TMEM41B: variants seen among roughly 807,000 people sequenced by gnomAD.
The protein encoded by TMEM41B is transmembrane protein 41B, also known as protein stasimon.
A neutral mutation model predicts 31.9 loss-of-function variants in TMEM41B; 18 were observed. The ratio of observed to expected loss-of-function variants is 0.56; its 90% CI spans 0.39 to 0.84. TMEM41B has a LOEUF of 0.84. TMEM41B is among the 40% of genes least tolerant of loss of function. The pLI is 0.00. For missense variants in TMEM41B, 322 were observed against 348.0 expected (o/e 0.93, Z 0.59); for synonymous variants, 144 against 124.3 (o/e 1.16, Z -1.05).
chr11:9,288,638 A>G (rs1852888914), intron 3 of TMEM41B, 103 bp from the exon 4 acceptor site: 1 of 783,764 alleles, frequency 1.3e-6, no homozygotes, highest in Non-Finnish European at 2.0e-6. Flanking sequence ...TTATCATACA[A>G]TGAGATTATA....
chr11:9,306,178 C>T (rs1200757511), intron 1 of TMEM41B, among the ~76,000 whole-genome samples: 1 of 151,338 alleles, frequency 6.6e-6, no homozygotes, highest in Admixed American at 6.6e-5. Flanking sequence ...GGGGTTTCAC[C>T]ATGTTGGCCA....
intron 1 of TMEM41B, chr11:9,311,265 C>G (rs1465174883): frequency 1.3e-6 from 2 of 1,504,402 alleles, no homozygotes; most frequent in Non-Finnish European, 1.8e-6. Context: ...GAGGGAAGGA[C>G]CCAGGGCCTG....
At chr11:9,311,795 C>T in intron 1 of TMEM41B, 1 of 564,932 alleles carries the variant, frequency 1.8e-6, no homozygotes, top group Non-Finnish European at 3.2e-6. Context: ...CTTCATCATG[C>T]AAAAATTAGA....
chr11:9,290,076 T>G (rs538829593), intron 3 of TMEM41B, among the ~76,000 whole-genome samples: 1 of 151,504 alleles, frequency 6.6e-6, no homozygotes, highest in East Asian at 1.9e-4. Flanking sequence ...CACACACTTT[T>G]TGGGTTAAGA....
chr11:9,303,271 C>T (rs1311510231), intron 1 of TMEM41B, among the ~76,000 whole-genome samples: 2 of 151,890 alleles, frequency 1.3e-5, no homozygotes, highest in Non-Finnish European at 2.9e-5. Flanking sequence ...CCCAAGTAGC[C>T]GGGATTACAG....
Position 9,286,612 on chromosome 11 carries a change from G to T in TMEM41B, c.568-19C>A. 2 of 1,581,934 alleles carry T rather than the reference G, an allele frequency of 1.3e-6. No individual in the cohort carries two copies. Among genetic ancestry groups the T allele is most frequent in the Non-Finnish European group, 1.7e-6 (2 of 1,167,742 alleles). On this transcript the variant is annotated intron_variant, in intron 5 of 6. Coordinates refer to ENST00000528080, the MANE Select transcript of TMEM41B (RefSeq NM_015012.4). ...GTTCAACCTGTCATAAGAAAGAAAA[G>T]AATTAGCATCAGATGAGGACAACTT... is the stretch of plus-strand genomic sequence containing the variant.
chr11:9,287,940 T>A (rs1852873249), intron 4 of TMEM41B, 134 bp from the exon 5 acceptor site: 6 of 687,932 alleles, frequency 8.7e-6, no homozygotes, highest in Non-Finnish European at 1.5e-5. Flanking sequence ...ACATCTCTTG[T>A]GCAGAGATGA....
At chr11:9,314,287 GCCA>G in intron 1 of TMEM41B, 31 bp downstream of exon 1, 1 of 1,562,450 alleles carries the variant, frequency 6.4e-7, no homozygotes, top group Non-Finnish European at 8.6e-7. Flanking sequence ...GAAGCCTCGG[GCCA>G]CCCCCAGCTC....
intron 1 of TMEM41B, among the ~76,000 whole-genome samples, chr11:9,303,867 A>G (rs1055599782): frequency 5.3e-5 from 8 of 151,358 alleles, no homozygotes; most frequent in African/African-American, 1.9e-4. Context: ...GGAGTTTCAC[A>G]TTGTTGGCCA....
intron 6 of TMEM41B, among the ~76,000 whole-genome samples, chr11:9,285,586 G>T (rs1466052584): frequency 1.3e-5 from 2 of 152,134 alleles, no homozygotes; most frequent in African/African-American, 2.4e-5. Context: ...CACAAAATAT[G>T]TAAGTAATTT....
intron 1 of TMEM41B, among the ~76,000 whole-genome samples, chr11:9,305,979 CTTTTTTTT>C (rs746744551): frequency 8.5e-6 from 1 of 118,004 alleles, no homozygotes; most frequent in Non-Finnish European, 1.7e-5. Context: ...CAGCACTTTT[CTTTTTTTT>C]TTTTTTTTTG....
chr11:9,311,208 C>T, intron 1 of TMEM41B: 1 of 1,441,586 alleles, frequency 6.9e-7, no homozygotes, highest in African/African-American at 1.4e-5. Flanking sequence ...TCCCCCAATA[C>T]AACATGGCAT....
chr11:9,291,342 G>A (rs1852954417), intron 3 of TMEM41B, among the ~76,000 whole-genome samples: 2 of 151,616 alleles, frequency 1.3e-5, no homozygotes, highest in Non-Finnish European at 2.9e-5. Flanking sequence ...AGATCGCGTC[G>A]CTACACTCCA....
Position 9,302,948 on chromosome 11 carries a change from C to T in TMEM41B, c.122-3247G>A, listed in dbSNP as rs1021645092. The stretch of plus-strand genomic sequence containing the variant: ...TCACTTAAGCACAGAACTTTGATTC[C>T]GGCCTGGGCAACACAGTGAGACCCT... On this transcript the variant is annotated intron_variant, in intron 1 of 6. Coordinates refer to ENST00000528080, the MANE Select transcript of TMEM41B (RefSeq NM_015012.4). 2.0e-5 allele frequency among the ~76,000 whole-genome samples: 2 copies of T among 100,222 alleles called. 1 individual carries two copies. Among genetic ancestry groups the T allele is most frequent in the Non-Finnish European group, 4.3e-5 (2 of 46,622 alleles). 65.7% of individuals were successfully genotyped at this position (100,222 alleles called of 152,430 possible). A position where few individuals can be genotyped will look rare whatever the true frequency, so the allele number is the denominator to read the frequency against.
intron 1 of TMEM41B, among the ~76,000 whole-genome samples, chr11:9,312,680 C>T (rs533105308): frequency 4.6e-5 from 7 of 151,866 alleles, no homozygotes; most frequent in South Asian, 2.1e-4. Context: ...CCGAGGCGGG[C>T]GGATCAACAG....
chr11:9,295,321 T>A lies in TMEM41B; in HGVS notation c.306A>T (p.Leu102Phe). The change falls in exon 3 of 7, where the codon TTA (leucine) becomes TTT (phenylalanine). Residue 102 changes from leucine to phenylalanine, a missense_variant. This residue lies in a region of TMEM41B where 183 missense variants were observed against 175.3 expected (regional missense o/e 1.04). Coordinates refer to ENST00000528080, the MANE Select transcript of TMEM41B (RefSeq NM_015012.4). ...MDDAKALGKV[L>F]SKYKDTFYVQ... ...CATAAAAGGTGTCCTTGTATTTGGATAAAACTTTTCCTAGAGCCTTGGCAT... is the reference window on the plus strand; with the variant it reads ...CATAAAAGGTGTCCTTGTATTTGGAAAAAACTTTTCCTAGAGCCTTGGCAT... 2 of 1,600,412 alleles carry A rather than the reference T, an allele frequency of 1.2e-6. No individual in the cohort carries two copies. The highest frequency in any genetic ancestry group is 1.7e-6 in the Non-Finnish European group (2 of 1,171,592).
chr11:9,283,340 A>C lies in TMEM41B; in HGVS notation c.*84T>G. 1 of 1,042,852 alleles carries C rather than the reference A, an allele frequency of 9.6e-7. No individual in the cohort carries two copies. Among genetic ancestry groups the C allele is most frequent in the Non-Finnish European group, 1.4e-6 (1 of 724,946 alleles). The allele number at this position is 1,042,852 out of a possible 1,614,324, so 64.6% of individuals were successfully genotyped here. Reference sequence around the variant, plus strand: ...TACAAATTCCTTGTTTAATTACTGAAGAGGTGATTTTAAAACATAAATGGA... The same window carrying C: ...TACAAATTCCTTGTTTAATTACTGACGAGGTGATTTTAAAACATAAATGGA... On this transcript the variant is annotated 3_prime_UTR_variant, in exon 7 of 7. Coordinates refer to ENST00000528080, the MANE Select transcript of TMEM41B (RefSeq NM_015012.4).
chr11:9,309,718 C>T (rs1419399700), intron 1 of TMEM41B, among the ~76,000 whole-genome samples: 4 of 151,196 alleles, frequency 2.6e-5, no homozygotes, highest in African/African-American at 9.7e-5. Context: ...GTCAGGAGAT[C>T]GAGACCATCC....
intron 1 of TMEM41B, among the ~76,000 whole-genome samples, chr11:9,309,617 T>G (rs1853503093): frequency 6.6e-6 from 1 of 151,464 alleles, no homozygotes. Context: ...GGATCTGGAT[T>G]ATCCAAGTCA....
Sources: gnomAD v4.1 joint callset for allele counts (sites outside exome capture counted in the v4.1 genomes callset) on GRCh38, gnomAD v4.1.1 for gene constraint, gnomAD v4.1.1 regional missense constraint, MANE v1.5 for transcripts, NCBI Gene and HGNC (gene_info 2026-07-23, HGNC 2026-07-21) for gene names.